SOWAHB: variants seen among roughly 807,000 people sequenced by gnomAD.
SOWAHB encodes sosondowah ankyrin repeat domain family member B.
SOWAHB carries 17 observed loss-of-function variants against 18.3 expected under a neutral mutation model. That is an observed-to-expected ratio of 0.93 (90% CI 0.64 to 1.40). The LOEUF is 1.40. Among genes scored for constraint, SOWAHB ranks in the 40% most tolerant of loss-of-function variants. The probability of loss-of-function intolerance (pLI) is 0.00; values close to 1 mark genes in which losing one functional copy is unlikely to be tolerated. For synonymous variants in SOWAHB, 496 were observed against 448.1 expected, an observed-to-expected ratio of 1.11 and a Z score of -1.35; for missense variants, 1,126 against 1,033.7, an observed-to-expected ratio of 1.09 and a Z score of -1.22.
chr4:76,896,731 C>G lies in SOWAHB; in HGVS notation c.1119G>C (p.Trp373Cys), dbSNP rs1489001480. ...AGACAGTCAATGAAGGGTTCCCCGC[C>G]CAGGATTCCCAGGACTCATCCGGAA... ...PVVPDESWESWAGNPSLTVFR... is the reference protein window; with the variant it reads ...PVVPDESWESCAGNPSLTVFR... Residue 373 changes from tryptophan to cysteine, a missense_variant, in exon 1 of 1, where the codon TGG (tryptophan) becomes TGC (cysteine). Trp to Cys is a radical substitution (Grantham distance 215). Coordinates refer to ENST00000334306, the MANE Select transcript of SOWAHB (RefSeq NM_001029870.3). The G allele has an allele frequency of 6.2e-7, 1 of 1,613,818 alleles. No individual in the cohort carries two copies. Among genetic ancestry groups the G allele is most frequent in the Non-Finnish European group, 8.5e-7 (1 of 1,180,022 alleles).
Position 76,897,971 on chromosome 4 carries a change from T to A in SOWAHB, c.-122A>T. 2 of 1,082,378 alleles carry A rather than the reference T, an allele frequency of 1.8e-6. No homozygotes were observed. Among genetic ancestry groups the A allele is most frequent in the Non-Finnish European group, 2.6e-6 (2 of 778,712 alleles). 67.0% of individuals were successfully genotyped at this position (1,082,378 alleles called of 1,614,324 possible). Reference sequence around the variant, plus strand: ...CCCGGGGCGGCACTAGCCGCCCCCATCAGCCGCGGAGGCCAGCGCTGCCCG... The same window carrying A: ...CCCGGGGCGGCACTAGCCGCCCCCAACAGCCGCGGAGGCCAGCGCTGCCCG... On this transcript the variant is annotated 5_prime_UTR_variant, in exon 1 of 1. It removes an upstream start codon present in the reference 5' UTR. Coordinates refer to ENST00000334306, the MANE Select transcript of SOWAHB (RefSeq NM_001029870.3). The surrounding 1 kb of genome is among the most constrained non-coding windows in gnomAD (Gnocchi z 6.4).
rs754303413 is a variant in SOWAHB at position 76,894,418 on chromosome 4, C to T, written c.*1050G>A. ...CTTCAAAAGCAATTAAAAAGGAGCA[C>T]TTCATGTTAGATATAGAGTACTTAA... On this transcript the variant is annotated 3_prime_UTR_variant, in exon 1 of 1. Coordinates refer to ENST00000334306, the MANE Select transcript of SOWAHB (RefSeq NM_001029870.3). Among the ~76,000 whole-genome samples the T allele has an allele frequency of 7.2e-5, 11 of 152,144 alleles. No individual in the cohort carries two copies. The highest frequency in any genetic ancestry group is 1.3e-4 in the Non-Finnish European group (9 of 68,042).
rs748094930 is a variant in SOWAHB, at chr4:76,894,918, G to A, written c.*550C>T. The A allele has an allele frequency of 6.6e-6, 1 of 152,208 alleles. No homozygotes were observed. The highest frequency in any genetic ancestry group is 1.5e-5 in the Non-Finnish European group (1 of 68,114). 9.4% of individuals were successfully genotyped at this position (152,208 alleles called of 1,614,324 possible). A position where few individuals can be genotyped will look rare whatever the true frequency, so the allele number is the denominator to read the frequency against. On this transcript the variant is annotated 3_prime_UTR_variant, in exon 1 of 1. Transcript: ENST00000334306. ...ACAGGGCTGAGGAATCTCTTAAATC[G>A]AACTGTGCTCTCCAGTAATAATTTT...
rs1305577648 is a variant in SOWAHB, at chr4:76,897,397, G to A, written c.453C>T (p.Ser151=). ...ADAACNGLPG[S]DSRRAPGKGG... ...CCTTCCCGGGCGCCCTACGGGAGTC[G>A]CTGCCCGGGAGTCCATTGCAAGCTG... The change falls in exon 1 of 1, where the codon AGC becomes AGT. Residue 151 remains serine, a synonymous_variant. Coordinates refer to ENST00000334306, the MANE Select transcript of SOWAHB (RefSeq NM_001029870.3). This position sits in a 1 kb window ranked among gnomAD's most constrained non-coding sequence, Gnocchi z 6.4. The A allele has an allele frequency of 6.6e-7, 1 of 1,524,284 alleles. No individual in the cohort carries two copies. The highest frequency in any genetic ancestry group is 8.8e-7 in the Non-Finnish European group (1 of 1,142,754). The allele number at this position is 1,524,284 out of a possible 1,614,324, so 94.4% of individuals were successfully genotyped here.
rs779186315 is a variant in SOWAHB at position 76,896,409 on chromosome 4, G to C, written c.1441C>G (p.Pro481Ala). The change falls in exon 1 of 1, where the codon CCC becomes GCC. Residue 481 changes from proline (P) to alanine (A), a missense_variant. Pro to Ala is a conservative substitution (Grantham distance 27). Transcript: ENST00000334306. ...PAGANGLAGHPLKPLPWPVPK... is the reference protein window; with the variant it reads ...PAGANGLAGHALKPLPWPVPK... ...ACTGGCCAAGGCAAAGGCTTCAGGG[G>C]GTGGCCTGCAAGGCCATTAGCCCCT... 9 of 1,601,934 alleles carry C rather than the reference G, an allele frequency of 5.6e-6. No homozygotes were observed. The Admixed American group carries it at 1.5e-4, about 27-fold the overall frequency.
Position 76,897,237 on chromosome 4 carries a change from G to A in SOWAHB, c.613C>T (p.Leu205=), listed in dbSNP as rs1199802803. Reference sequence around the variant, plus strand: ...CCGAGCTCTCCCGGCAGTACAGCCAGGTTGTTCTGGAGGCATTCCCAGCAG... The same window carrying A: ...CCGAGCTCTCCCGGCAGTACAGCCAAGTTGTTCTGGAGGCATTCCCAGCAG... ...RCCWECLQNN[L]AVLPGELGAL... Residue 205 remains leucine (L), a synonymous_variant, in exon 1 of 1, where the codon CTG becomes TTG. Transcript: ENST00000334306. This position sits in a 1 kb window ranked among gnomAD's most constrained non-coding sequence, Gnocchi z 6.4. 6 of 1,580,474 alleles carry A rather than the reference G, an allele frequency of 3.8e-6. No homozygotes were observed. Among genetic ancestry groups the A allele is most frequent in the Non-Finnish European group, 5.1e-6 (6 of 1,171,528 alleles).
chr4:76,895,653 G>A lies in SOWAHB; in HGVS notation c.2197C>T (p.Pro733Ser). 2.5e-6 allele frequency: 4 copies of A among 1,614,230 alleles called. No individual in the cohort carries two copies. Among genetic ancestry groups the A allele is most frequent in the Non-Finnish European group, 3.4e-6 (4 of 1,180,040 alleles). ...LGAPRGKPIF[P>S]VYPLVGSSSP... ...GAACTTCCAACTAAGGGATAGACAG[G>A]GAAAATGGGCTTGCCCCGAGGAGCT... The change falls in exon 1 of 1, where the codon CCT (proline) becomes TCT (serine). Residue 733 changes from proline to serine, a missense_variant. Pro to Ser is a moderately conservative substitution (Grantham distance 74). Transcript: ENST00000334306.
rs762123402 is a variant in SOWAHB at position 76,896,825 on chromosome 4, G to A, written c.1025C>T (p.Pro342Leu). 1 of 1,613,854 alleles carries A rather than the reference G, an allele frequency of 6.2e-7. No homozygotes were observed. The highest frequency in any genetic ancestry group is 2.2e-5 in the East Asian group (1 of 44,868). ...PDNFLQLPLE[P>L]GSTEPNSEPP... The stretch of plus-strand genomic sequence containing the variant: ...CTCTGAATTAGGCTCCGTGGAGCCG[G>A]GTTCCAAGGGCAGCTGGAGGAAGTT... The change falls in exon 1 of 1, where the codon CCC becomes CTC. Residue 342 changes from proline (P) to leucine (L), a missense_variant. Transcript: ENST00000334306.
rs912221970 is a variant in SOWAHB, at chr4:76,897,502, G to C, written c.348C>G (p.Pro116=). ...GCCGCCGCCGCCTGGGCTGCTGCTG[G>C]GGCGGCTCCCCCCGGCGCGCGCCTC... The part of the protein sequence containing the change: ...SPRGARRGEP[P]QQQPRRRRRE... The change falls in exon 1 of 1, where the codon CCC becomes CCG. Residue 116 remains proline (P), a synonymous_variant. Coordinates refer to ENST00000334306, the MANE Select transcript of SOWAHB (RefSeq NM_001029870.3). This position sits in a 1 kb window ranked among gnomAD's most constrained non-coding sequence, Gnocchi z 6.4. 2.1e-6 allele frequency: 3 copies of C among 1,444,780 alleles called. No individual in the cohort carries two copies. The African/African-American group carries it at 4.5e-5, about 22-fold the overall frequency. 89.5% of individuals were successfully genotyped at this position (1,444,780 alleles called of 1,614,324 possible).
rs764559558 is a variant in SOWAHB, at chr4:76,897,676, G to A, written c.174C>T (p.Val58=). The A allele has an allele frequency of 1.9e-6, 3 of 1,612,270 alleles. No homozygotes were observed. The highest frequency in any genetic ancestry group is 2.5e-6 in the Non-Finnish European group (3 of 1,179,906). Residue 58 remains valine (V), a synonymous_variant, in exon 1 of 1, where the codon GTC becomes GTT. Coordinates refer to ENST00000334306, the MANE Select transcript of SOWAHB (RefSeq NM_001029870.3). This position sits in a 1 kb window ranked among gnomAD's most constrained non-coding sequence, Gnocchi z 6.4. The stretch of plus-strand genomic sequence containing the variant: ...CGTCGGGGTCCTGGCGCACTGCGGC[G>A]ACCGAGTTGACGAAGCCCTTGAAGA... The part of the protein sequence containing the change: ...RELFKGFVNS[V]AAVRQDPDGT...
rs149260007 is a variant in SOWAHB, at chr4:76,895,857, C to T, written c.1993G>A (p.Val665Met). ...KKAGIVLDVN[V>M]RSSCGYTPLH... ...GGGGTATATCCACAACTGGACCTCA[C>T]GTTTACATCAAGGACAATCCCTGCC... Residue 665 changes from valine (V) to methionine (M), a missense_variant, in exon 1 of 1, where the codon GTG (valine) becomes ATG (methionine). Coordinates refer to ENST00000334306, the MANE Select transcript of SOWAHB (RefSeq NM_001029870.3). The T allele has an allele frequency of 1.8e-5, 29 of 1,614,128 alleles. No individual in the cohort carries two copies. The highest frequency in any genetic ancestry group is 2.1e-5 in the Non-Finnish European group (25 of 1,180,050).
rs1190498349 is a variant in SOWAHB, at chr4:76,897,280, C to G, written c.570G>C (p.Ala190=). ...CCCAGCAGCAGCGGCCCTGCGTCTT[C>G]GCCGCCGCGCAGCTCGCTCTCGCCT... ...GAQARASCAA[A]KTQGRCCWEC... Residue 190 remains alanine (A), a synonymous_variant, in exon 1 of 1, where the codon GCG becomes GCC. Transcript: ENST00000334306. The surrounding 1 kb of genome is among the most constrained non-coding windows in gnomAD (Gnocchi z 6.4). 4.5e-6 allele frequency: 7 copies of G among 1,548,190 alleles called. No homozygotes were observed. In the Admixed American group the frequency reaches 7.6e-5, roughly 17 times the overall value.
chr4:76,896,418 C>T lies in SOWAHB; in HGVS notation c.1432G>A (p.Ala478Thr), dbSNP rs1348742112. 1.2e-6 allele frequency: 2 copies of T among 1,604,160 alleles called. No homozygotes were observed. The highest frequency in any genetic ancestry group is 8.5e-7 in the Non-Finnish European group (1 of 1,174,998). The change falls in exon 1 of 1, where the codon GCA becomes ACA. Residue 478 changes from alanine (A) to threonine (T), a missense_variant. By Grantham distance (58) the Ala-to-Thr change is moderately conservative (BLOSUM62 0). Coordinates refer to ENST00000334306, the MANE Select transcript of SOWAHB (RefSeq NM_001029870.3). ...QQVPAGANGL[A>T]GHPLKPLPWP... ...GGCAAAGGCTTCAGGGGGTGGCCTGCAAGGCCATTAGCCCCTGCAGGGACC... is the reference window on the plus strand; with the variant it reads ...GGCAAAGGCTTCAGGGGGTGGCCTGTAAGGCCATTAGCCCCTGCAGGGACC...
Position 76,897,889 on chromosome 4 carries a change from C to A in SOWAHB, c.-40G>T. On this transcript the variant is annotated 5_prime_UTR_variant, in exon 1 of 1. Coordinates refer to ENST00000334306, the MANE Select transcript of SOWAHB (RefSeq NM_001029870.3). This position sits in a 1 kb window ranked among gnomAD's most constrained non-coding sequence, Gnocchi z 6.4. ...CCGCCCCAGAGGTGTCTGAGTCTCGCCCTCCCGGGGCTCTCCCCAGCCAGA... is the reference window on the plus strand; with the variant it reads ...CCGCCCCAGAGGTGTCTGAGTCTCGACCTCCCGGGGCTCTCCCCAGCCAGA... The A allele has an allele frequency of 6.5e-7, 1 of 1,547,384 alleles. No homozygotes were observed. The highest frequency in any genetic ancestry group is 1.2e-5 in the South Asian group (1 of 86,472).
Position 76,897,301 on chromosome 4 carries a change from C to G in SOWAHB, c.549G>C (p.Ala183=), listed in dbSNP as rs748548712. 6.5e-7 allele frequency: 1 copy of G among 1,539,810 alleles called. No homozygotes were observed. Among genetic ancestry groups the G allele is most frequent in the East Asian group, 2.4e-5 (1 of 41,192 alleles). ...TCTTCGCCGCCGCGCAGCTCGCTCT[C>G]GCCTGGGCCCCTGCCGCTGCAGCTG... ...VPAAAAAGAQ[A]RASCAAAKTQ... is the part of the protein sequence containing the mutation. Residue 183 remains alanine, a synonymous_variant, in exon 1 of 1, where the codon GCG becomes GCC. Transcript: ENST00000334306. The surrounding 1 kb of genome is among the most constrained non-coding windows in gnomAD (Gnocchi z 6.4).
Position 76,896,944 on chromosome 4 carries a change from C to CT in SOWAHB, c.905dup (p.Gln303AlafsTer19). ...CCACCCACTCTCGAGTGCGCTGCTG[C>CT]TGCTGCTGCAGGGTCGAATAATGCA... is the stretch of plus-strand genomic sequence containing the variant. On this transcript the variant is annotated frameshift_variant, in exon 1 of 1. Transcript: ENST00000334306. LOFTEE classifies it low-confidence loss of function (END_TRUNC). 3 of 1,607,584 alleles carry CT rather than the reference C, an allele frequency of 1.9e-6. No homozygotes were observed. The highest frequency in any genetic ancestry group is 2.5e-6 in the Non-Finnish European group (3 of 1,177,546).
rs1364395238 is a variant in SOWAHB, at chr4:76,898,121, C to G, written c.-272G>C. On this transcript the variant is annotated 5_prime_UTR_variant, in exon 1 of 1. Coordinates refer to ENST00000334306, the MANE Select transcript of SOWAHB (RefSeq NM_001029870.3). ...GCCCCTGCGCGACTCTAGCCTCTCG[C>G]AACGAGTCCTCACAGCGAAAGTTCC... 23 of 442,672 alleles carry G rather than the reference C, an allele frequency of 5.2e-5. No individual in the cohort carries two copies. The highest frequency in any genetic ancestry group is 4.0e-6 in the Non-Finnish European group (1 of 251,978). The allele number at this position is 442,672 out of a possible 1,614,324, so 27.4% of individuals were successfully genotyped here.
At position 76,895,931 on chromosome 4, in the gene SOWAHB, T is replaced by C; in HGVS notation, c.1919A>G (p.Lys640Arg). 6.2e-7 allele frequency: 1 copy of C among 1,614,150 alleles called. No individual in the cohort carries two copies. The highest frequency in any genetic ancestry group is 8.5e-7 in the Non-Finnish European group (1 of 1,180,038). Residue 640 changes from lysine (K) to arginine (R), a missense_variant, in exon 1 of 1, where the codon AAA becomes AGA. Physicochemically the swap from Lys to Arg is conservative, Grantham distance 26. Coordinates refer to ENST00000334306, the MANE Select transcript of SOWAHB (RefSeq NM_001029870.3). ...CTGAAGGGCCCTGAGGTCACCATGT[T>C]TGGCTATCCAGTGCAACGCAGTGTA... ...TGYTALHWIAKHGDLRALQDL... is the reference protein window; with the variant it reads ...TGYTALHWIARHGDLRALQDL...
At position 76,897,530 on chromosome 4, in the gene SOWAHB, G is replaced by C; in HGVS notation, c.320C>G (p.Pro107Arg). 7.0e-7 allele frequency: 1 copy of C among 1,421,808 alleles called. No individual in the cohort carries two copies. Among genetic ancestry groups the C allele is most frequent in the Non-Finnish European group, 9.1e-7 (1 of 1,099,888 alleles). The allele number at this position is 1,421,808 out of a possible 1,614,324, so 88.1% of individuals were successfully genotyped here. A position where few individuals can be genotyped will look rare whatever the true frequency, so the allele number is the denominator to read the frequency against. ...CGGCTCCCCCCGGCGCGCGCCTCGCGGGGAGCAGGGCGCAGCTCCCCCTGC... is the reference window on the plus strand; with the variant it reads ...CGGCTCCCCCCGGCGCGCGCCTCGCCGGGAGCAGGGCGCAGCTCCCCCTGC... Reference protein sequence around the residue: ...PSAGGAAPCSPRGARRGEPPQ... With the variant: ...PSAGGAAPCSRRGARRGEPPQ... Residue 107 changes from proline (P) to arginine (R), a missense_variant, in exon 1 of 1, where the codon CCG becomes CGG. Coordinates refer to ENST00000334306, the MANE Select transcript of SOWAHB (RefSeq NM_001029870.3). The surrounding 1 kb of genome is among the most constrained non-coding windows in gnomAD (Gnocchi z 6.4).
Sources: allele counts gnomAD v4.1 joint callset (sites outside exome capture counted in the v4.1 genomes callset), GRCh38; gene constraint gnomAD v4.1.1; non-coding constraint Gnocchi (gnomAD v3.1); transcripts MANE v1.5; gene names NCBI Gene and HGNC (gene_info 2026-07-23, HGNC 2026-07-21).